Variants in OGFOD3 observed in about 807,000 individuals in gnomAD.
OGFOD3 encodes 2-oxoglutarate and iron-dependent oxygenase domain-containing protein 3.
A neutral mutation model predicts 39.8 loss-of-function variants in OGFOD3; 35 were observed. That is an observed-to-expected ratio of 0.88 (90% confidence interval 0.67 to 1.17). The LOEUF is 1.17. Among genes scored for constraint, OGFOD3 ranks in the 50% most tolerant of loss-of-function variants. OGFOD3 has a pLI of 0.00. For missense variants in OGFOD3, 438 were observed against 454.5 expected (o/e 0.96, Z 0.33); for synonymous variants, 200 against 192.0 (o/e 1.04, Z -0.34).
In OGFOD3 at chr17:82,404,081, C is replaced by A; in HGVS notation, c.555G>T (p.Arg185=). ...EEDFRLYREV[R]QKVQLTIAEA... ...CAGCAATGGTGAGCTGGACCTTCTGCCGCACCTCCCTGCAGAGGACACAAT... is the reference window on the plus strand; with the variant it reads ...CAGCAATGGTGAGCTGGACCTTCTGACGCACCTCCCTGCAGAGGACACAAT... The change falls in exon 7 of 9, where the codon CGG becomes CGT. Residue 185 remains arginine (R), a synonymous_variant. Coordinates refer to ENST00000313056, the MANE Select transcript of OGFOD3 (RefSeq NM_024648.3). This position sits in a 1 kb window ranked among gnomAD's most constrained non-coding sequence, Gnocchi z 4.5. 2 of 1,596,432 alleles carry A rather than the reference C, an allele frequency of 1.3e-6. No homozygotes were observed. Among genetic ancestry groups the A allele is most frequent in the Non-Finnish European group, 8.5e-7 (1 of 1,170,366 alleles).
In OGFOD3 at chr17:82,389,829, C is replaced by CT. The variant is rs1380693507; in HGVS notation, c.*2568dup. Reference sequence around the variant, plus strand: ...TTCAGAAGGAAATTCTTCATTCTGGCTAACACGGTGAAATCCCATCTCTAC... The same window carrying CT: ...TTCAGAAGGAAATTCTTCATTCTGGCTTAACACGGTGAAATCCCATCTCTAC... On this transcript the variant is annotated 3_prime_UTR_variant, in exon 9 of 9. Coordinates refer to ENST00000313056, the MANE Select transcript of OGFOD3 (RefSeq NM_024648.3). This position sits in a 1 kb window ranked among gnomAD's most constrained non-coding sequence, Gnocchi z 4.6. The CT allele has an allele frequency of 2.0e-5, 3 of 152,158 alleles. No individual in the cohort carries two copies. Among genetic ancestry groups the CT allele is most frequent in the African/African-American group, 7.2e-5 (3 of 41,438 alleles). The allele number at this position is 152,158 out of a possible 1,614,324, so 9.4% of individuals were successfully genotyped here. A position where few individuals can be genotyped will look rare whatever the true frequency, so the allele number is the denominator to read the frequency against.
In OGFOD3 at chr17:82,392,127, G is replaced by A. The variant is rs1279676590; in HGVS notation, c.*271C>T. 1 of 510,476 alleles carries A rather than the reference G, an allele frequency of 2.0e-6. No homozygotes were observed. The highest frequency in any genetic ancestry group is 1.9e-5 in the African/African-American group (1 of 51,582). 31.6% of individuals were successfully genotyped at this position (510,476 alleles called of 1,614,324 possible). On this transcript the variant is annotated 3_prime_UTR_variant, in exon 9 of 9. Coordinates refer to ENST00000313056, the MANE Select transcript of OGFOD3 (RefSeq NM_024648.3). This position sits in a 1 kb window ranked among gnomAD's most constrained non-coding sequence, Gnocchi z 4.2. ...GATGAGTCCCGTCCATTCACAGATG[G>A]GGACTTGTGCCCCGTCCTGCTGGGT...
rs769903174 is a variant in OGFOD3 at position 82,392,490 on chromosome 17, C to T, written c.868G>A (p.Val290Met). Residue 290 changes from valine (V) to methionine (M), a missense_variant, in exon 9 of 9, where the codon GTG becomes ATG. Val to Met is a conservative substitution (Grantham distance 21). Transcript: ENST00000313056. This position sits in a 1 kb window ranked among gnomAD's most constrained non-coding sequence, Gnocchi z 4.2. Reference protein sequence around the residue: ...FTSGSENLHRVEKVHWGTRYA... With the variant: ...FTSGSENLHRMEKVHWGTRYA... Reference sequence around the variant, plus strand: ...CGGGTGCCCCAGTGGACCTTCTCCACGCGGTGTAGGTTCTCGGACCCCGAG... The same window carrying T: ...CGGGTGCCCCAGTGGACCTTCTCCATGCGGTGTAGGTTCTCGGACCCCGAG... 45 of 1,606,750 alleles carry T rather than the reference C, an allele frequency of 2.8e-5. No homozygotes were observed. Among genetic ancestry groups the T allele is most frequent in the African/African-American group, 4.0e-5 (3 of 74,818 alleles).
At chr17:82,416,936 A>G (rs950953121) in intron 1 of OGFOD3, among the ~76,000 whole-genome samples, 8 of 152,190 alleles carry the variant, frequency 5.3e-5, no homozygotes, top group African/African-American at 1.9e-4. Flanking sequence ...CAGCCTCCCA[A>G]GGTGCTGCAA....
In OGFOD3 at chr17:82,392,224, G is replaced by T; in HGVS notation, c.*174C>A. On this transcript the variant is annotated 3_prime_UTR_variant, in exon 9 of 9. Transcript: ENST00000313056. The surrounding 1 kb of genome is among the most constrained non-coding windows in gnomAD (Gnocchi z 4.2). ...ACACATGATGCTGGAGAAGTGAAAA[G>T]CTGGTTCCCTTCATTTACTCACAGA... The T allele has an allele frequency of 1.3e-6, 1 of 745,404 alleles. No individual in the cohort carries two copies. The allele number at this position is 745,404 out of a possible 1,614,324, so 46.2% of individuals were successfully genotyped here. A position where few individuals can be genotyped will look rare whatever the true frequency, so the allele number is the denominator to read the frequency against.
chr17:82,402,289 G>T (rs1411268473), intron 7 of OGFOD3, among the ~76,000 whole-genome samples: 1 of 151,994 alleles, frequency 6.6e-6, no homozygotes, highest in Non-Finnish European at 1.5e-5. Context: ...ACAAAAATTA[G>T]CTGGGCGTGG....
chr17:82,398,204 G>GCTACCTCCTACCA lies in OGFOD3; in HGVS notation c.814_815insTGGTAGGAGGTAG (p.Pro272LeufsTer89). The GCTACCTCCTACCA allele has an allele frequency of 6.2e-7, 1 of 1,613,986 alleles. No individual in the cohort carries two copies. Among genetic ancestry groups the GCTACCTCCTACCA allele is most frequent in the Non-Finnish European group, 8.5e-7 (1 of 1,179,962 alleles). On this transcript the variant is annotated frameshift_variant, in exon 8 of 9. Transcript: ENST00000313056. LOFTEE classifies it high-confidence loss of function. ...CCGCCCGCGCCTCCTACCAGCTCTCGGCTCCACCGTCTTGTTGGCACCCTC... is the reference window on the plus strand; with the variant it reads ...CCGCCCGCGCCTCCTACCAGCTCTCGCTACCTCCTACCAGCTCCACCGTCTTGTTGGCACCCTC...
At chr17:82,413,131 T>C (rs765011551) in intron 2 of OGFOD3, among the ~76,000 whole-genome samples, 3 of 152,216 alleles carry the variant, frequency 2.0e-5, no homozygotes, top group African/African-American at 2.4e-5. Flanking sequence ...CAAAAAGTCA[T>C]TTTATGCTTT....
Position 82,415,621 on chromosome 17 carries a change from C to G in OGFOD3, c.81G>C (p.Lys27Asn), listed in dbSNP as rs2053020902. 1.9e-6 allele frequency: 3 copies of G among 1,610,420 alleles called. No individual in the cohort carries two copies. In the African/African-American group the frequency reaches 4.0e-5, roughly 22 times the overall value. Residue 27 changes from lysine (K) to asparagine (N), a missense_variant, in exon 2 of 9, where the codon AAG becomes AAC. Transcript: ENST00000313056. The surrounding 1 kb of genome is among the most constrained non-coding windows in gnomAD (Gnocchi z 5.3). ...AAERRNRSSTKKDRAPREVQR... is the reference protein window; with the variant it reads ...AAERRNRSSTNKDRAPREVQR... The stretch of plus-strand genomic sequence containing the variant: ...GCACCTCCCGCGGGGCTCGGTCCTT[C>G]TTGGTGCTGAGAACAGAAAACAGGC...
intron 8 of OGFOD3, chr17:82,396,583 C>T (rs921445291): frequency 2.0e-5 from 3 of 152,178 alleles, no homozygotes; most frequent in Non-Finnish European, 2.9e-5. Flanking sequence ...GAAAGAAGAT[C>T]GTAATACAAA....
intron 8 of OGFOD3, among the ~76,000 whole-genome samples, chr17:82,396,196 G>C (rs1043474854): frequency 4.0e-5 from 6 of 149,806 alleles, no homozygotes; most frequent in Non-Finnish European, 8.9e-5. Context: ...CACACAATTA[G>C]ACAGATGTAC....
rs540133394 is a variant in OGFOD3, at chr17:82,390,540, C to G, written c.*1858G>C. 6.5e-6 allele frequency: 1 copy of G among 154,622 alleles called. No homozygotes were observed. Among genetic ancestry groups the G allele is most frequent in the East Asian group, 1.9e-4 (1 of 5,214 alleles). The allele number at this position is 154,622 out of a possible 1,614,324, so 9.6% of individuals were successfully genotyped here. Reference sequence around the variant, plus strand: ...CCACATCAGAGGCCATGGGAGGGCGCGGGAGCCTCAGGGTTCCTGCCCCAT... The same window carrying G: ...CCACATCAGAGGCCATGGGAGGGCGGGGGAGCCTCAGGGTTCCTGCCCCAT... On this transcript the variant is annotated 3_prime_UTR_variant, in exon 9 of 9. Coordinates refer to ENST00000313056, the MANE Select transcript of OGFOD3 (RefSeq NM_024648.3). This position sits in a 1 kb window ranked among gnomAD's most constrained non-coding sequence, Gnocchi z 4.9.
rs529807187 is a variant in OGFOD3 at position 82,394,589 on chromosome 17, G to C, written c.824-2055C>G. On this transcript the variant is annotated intron_variant, in intron 8 of 8. Transcript: ENST00000313056. ...TTGTGTGGTAAAGGGTTGACTCCAG[G>C]GGCCTGGGCGGTGCACACCCTACAC... 4.0e-6 allele frequency: 6 copies of C among 1,504,076 alleles called. No individual in the cohort carries two copies. In the East Asian group the frequency reaches 1.4e-4, roughly 34 times the overall value. 93.2% of individuals were successfully genotyped at this position (1,504,076 alleles called of 1,614,324 possible).
chr17:82,396,244 TTAGA>T (rs1730187266), intron 8 of OGFOD3, among the ~76,000 whole-genome samples: 2 of 138,964 alleles, frequency 1.4e-5, no homozygotes, highest in Admixed American at 7.1e-5. Context: ...ATACACACAA[TTAGA>T]CAGATGTATG....
intron 7 of OGFOD3, among the ~76,000 whole-genome samples, chr17:82,399,142 A>G (rs758982767): frequency 3.3e-4 from 50 of 152,018 alleles, no homozygotes; most frequent in Non-Finnish European, 5.9e-4. Flanking sequence ...TGTGCTTCTT[A>G]TTTTCCAGAA....
At position 82,411,463 on chromosome 17, in the gene OGFOD3, C is replaced by G; in HGVS notation, c.372G>C (p.Arg124=). The part of the protein sequence containing the change: ...DVVITREEAE[R]IRSVAEKGLS... The stretch of plus-strand genomic sequence containing the variant: ...CAGGGACAGGCGGTTACCTGCGAAT[C>G]CGCTCCGCTTCCTCCCTGGTGATGA... The change falls in exon 3 of 9, where the codon CGG becomes CGC. Residue 124 remains arginine, a synonymous_variant. Transcript: ENST00000313056. 6.2e-7 allele frequency: 1 copy of G among 1,614,132 alleles called. No homozygotes were observed. Among genetic ancestry groups the G allele is most frequent in the Non-Finnish European group, 8.5e-7 (1 of 1,179,990 alleles).
At position 82,392,642 on chromosome 17, in the gene OGFOD3, C is replaced by A; in HGVS notation, c.824-108G>T. 1.5e-6 allele frequency: 2 copies of A among 1,310,392 alleles called. No homozygotes were observed. The highest frequency in any genetic ancestry group is 2.6e-5 in the Admixed American group (1 of 37,744). The allele number at this position is 1,310,392 out of a possible 1,614,324, so 81.2% of individuals were successfully genotyped here. A position where few individuals can be genotyped will look rare whatever the true frequency, so the allele number is the denominator to read the frequency against. On this transcript the variant is annotated intron_variant, in intron 8 of 8. Coordinates refer to ENST00000313056, the MANE Select transcript of OGFOD3 (RefSeq NM_024648.3). This position sits in a 1 kb window ranked among gnomAD's most constrained non-coding sequence, Gnocchi z 4.2. ...AGCAACTATAACCAATCAACACAAC[C>A]AACCAGGCAGGCTGGAGAAATTGCC...
At chr17:82,394,316 C>T in intron 8 of OGFOD3, 1 of 1,524,084 alleles carries the variant, frequency 6.6e-7, no homozygotes, top group Non-Finnish European at 8.8e-7. Context: ...TAGTAAATGA[C>T]TATTAGATTA....
chr17:82,413,435 C>G (rs1229689666), intron 2 of OGFOD3, among the ~76,000 whole-genome samples: 1 of 152,148 alleles, frequency 6.6e-6, no homozygotes, highest in Non-Finnish European at 1.5e-5. Flanking sequence ...GTGAAGGAGA[C>G]AGAAACTGGT....
Sources: gnomAD v4.1 joint callset for allele counts (sites outside exome capture counted in the v4.1 genomes callset) on GRCh38, gnomAD v4.1.1 for gene constraint, Gnocchi (gnomAD v3.1) non-coding constraint, MANE v1.5 for transcripts, NCBI Gene and HGNC (gene_info 2026-07-23, HGNC 2026-07-21) for gene names.